Variants in BLVRA observed in about 807,000 individuals in gnomAD.
The protein encoded by BLVRA is BVR A.
Under a neutral mutation model 32.8 loss-of-function variants are expected in BLVRA, and 22 were observed. The observed-to-expected ratio is 0.67, with a 90% CI of 0.48 to 0.96. The LOEUF (loss-of-function observed/expected upper bound fraction) is 0.96, where lower values mean the gene tolerates loss of function less well. BLVRA is among the 40% of genes least tolerant of loss of function. BLVRA has a pLI of 0.00. For missense variants in BLVRA, 323 were observed against 358.1 expected (o/e 0.90, Z 0.79); for synonymous variants, 119 against 141.3 (o/e 0.84, Z 1.12).
chr7:43,804,269 C>T (rs2095801865), intron 7 of BLVRA, among the ~76,000 whole-genome samples: 1 of 152,190 alleles, frequency 6.6e-6, no homozygotes, highest in African/African-American at 2.4e-5. Flanking sequence ...TGGTGAAACC[C>T]TGTCTCTACT....
At chr7:43,776,219 T>C (rs2095760788) in intron 2 of BLVRA, among the ~76,000 whole-genome samples, 1 of 152,214 alleles carries the variant, frequency 6.6e-6, no homozygotes, top group South Asian at 2.1e-4. Context: ...TTCTAGTTCT[T>C]TTAATTGTGA....
intron 5 of BLVRA, among the ~76,000 whole-genome samples, chr7:43,800,242 C>T (rs1475113497): frequency 3.9e-5 from 6 of 152,220 alleles, no homozygotes; most frequent in Non-Finnish European, 8.8e-5. Flanking sequence ...AGGCATGAGC[C>T]ACCATGCCTG....
intron 3 of BLVRA, among the ~76,000 whole-genome samples, chr7:43,790,645 A>C (rs1329260470): frequency 6.6e-6 from 1 of 152,152 alleles, no homozygotes; most frequent in Non-Finnish European, 1.5e-5. Context: ...ATCACTTCTC[A>C]TGAGATAAAA....
At chr7:43,780,248 C>A (rs928757284) in intron 2 of BLVRA, among the ~76,000 whole-genome samples, 1 of 152,168 alleles carries the variant, frequency 6.6e-6, no homozygotes, top group Admixed American at 6.5e-5. Flanking sequence ...TCACCTGCCC[C>A]AAATCTGCTC....
chr7:43,769,971 G>C (rs1585713553), intron 1 of BLVRA, among the ~76,000 whole-genome samples: 1 of 152,232 alleles, frequency 6.6e-6, no homozygotes, highest in South Asian at 2.1e-4. Context: ...TCCCCGGGTA[G>C]TCTTAAGGTT....
At chr7:43,772,482 C>T (rs1426563780) in intron 2 of BLVRA, among the ~76,000 whole-genome samples, 2 of 152,150 alleles carry the variant, frequency 1.3e-5, no homozygotes, top group Non-Finnish European at 2.9e-5. Flanking sequence ...GGAGCAGCTT[C>T]CCCCCTGCCC....
chr7:43,767,438 A>G, intron 1 of BLVRA: 1 of 1,559,342 alleles, frequency 6.4e-7, no homozygotes, highest in Non-Finnish European at 8.8e-7. Flanking sequence ...TTTCACAACT[A>G]AATCTTATAT....
chr7:43,758,506 G>C (rs1283738540), upstream of BLVRA, among the ~76,000 whole-genome samples: 1 of 151,624 alleles, frequency 6.6e-6, no homozygotes, highest in Non-Finnish European at 1.5e-5. Context: ...CCAGGCGCCA[G>C]ACCCAGGGCA....
At chr7:43,806,156 T>C (rs1036817631) in intron 7 of BLVRA, among the ~76,000 whole-genome samples, 1 of 152,028 alleles carries the variant, frequency 6.6e-6, no homozygotes, top group African/African-American at 2.4e-5. Context: ...CTACTAAAAA[T>C]ACAAAAATTA....
chr7:43,791,581 T>G (rs2095786130), intron 4 of BLVRA: 1 of 558,292 alleles, frequency 1.8e-6, no homozygotes, highest in Non-Finnish European at 3.2e-6. Context: ...AAATTAATAT[T>G]TAGTATGTGT....
intron 5 of BLVRA, among the ~76,000 whole-genome samples, chr7:43,798,542 T>C (rs1431078737): frequency 1.3e-5 from 2 of 152,218 alleles, no homozygotes; most frequent in African/African-American, 4.8e-5. Flanking sequence ...GTTCCAAATT[T>C]GCTCAGTGGG....
chr7:43,773,309 C>G (rs945305039), intron 2 of BLVRA, among the ~76,000 whole-genome samples: 3 of 151,290 alleles, frequency 2.0e-5, no homozygotes, highest in Non-Finnish European at 4.4e-5. Context: ...CCACAACAGT[C>G]CCCGGAGTTC....
At chr7:43,799,928 C>A (rs1418512927) in intron 5 of BLVRA, among the ~76,000 whole-genome samples, 4 of 152,112 alleles carry the variant, frequency 2.6e-5, no homozygotes, top group Admixed American at 1.3e-4. Flanking sequence ...CATTTCATTT[C>A]TCAGGTTTTC....
intron 2 of BLVRA, among the ~76,000 whole-genome samples, chr7:43,777,330 C>A: frequency 6.6e-6 from 1 of 150,782 alleles, no homozygotes; most frequent in African/African-American, 2.4e-5. Context: ...TCTTTTAGGG[C>A]AGGCCTGGTG....
upstream of BLVRA, among the ~76,000 whole-genome samples, chr7:43,758,391 C>CACACCGTG (rs1372252911): frequency 7.2e-5 from 8 of 110,802 alleles, no homozygotes; most frequent in Non-Finnish European, 1.4e-4. Flanking sequence ...TGAGGGGGCC[C>CACACCGTG]AGCCACTTCC....
chr7:43,771,045 C>T (rs2095754118), intron 1 of BLVRA, 93 bp from the exon 2 acceptor site: 2 of 1,032,558 alleles, frequency 1.9e-6, no homozygotes, highest in Non-Finnish European at 3.1e-6. Context: ...GGACAGGAAG[C>T]AGTGGGGGAG....
intron 1 of BLVRA, 87 bp from the exon 2 acceptor site, chr7:43,771,051 G>A (rs2095754133): frequency 1.8e-6 from 2 of 1,117,750 alleles, no homozygotes; most frequent in South Asian, 2.5e-5. Context: ...GAAGCAGTGG[G>A]GGAGCATGGG....
At chr7:43,803,647 G>A in intron 6 of BLVRA, 29 bp from the exon 7 acceptor site, 2 of 1,569,550 alleles carry the variant, frequency 1.3e-6, no homozygotes, top group South Asian at 1.1e-5. Context: ...CTGCTTCCCA[G>A]TTCCCACAGC....
chr7:43,791,194 G>A (rs1585733862), intron 3 of BLVRA, 55 bp from the exon 4 acceptor site: 4 of 1,610,196 alleles, frequency 2.5e-6, no homozygotes, highest in Admixed American at 3.3e-5. Context: ...GAGAAGGATG[G>A]TGCTCCTTTC....
Sources: allele counts gnomAD v4.1 joint callset (sites outside exome capture counted in the v4.1 genomes callset), GRCh38; gene constraint gnomAD v4.1.1; transcripts MANE v1.5; gene names NCBI Gene and HGNC (gene_info 2026-07-23, HGNC 2026-07-21).